Variants in ASIC1 observed in about 807,000 individuals in gnomAD.
ASIC1 encodes acid-sensing ion channel 1.
In ASIC1, 21 loss-of-function variants were observed where a neutral mutation model predicts 63.4. That is an observed-to-expected ratio of 0.33 (90% CI 0.23 to 0.48). ASIC1 has a LOEUF of 0.48. Among genes scored for constraint, ASIC1 ranks in the 20% least tolerant of loss-of-function variants. The pLI, the probability that ASIC1 is intolerant of heterozygous loss-of-function variation, is 0.99. For synonymous variants in ASIC1, 258 were observed against 278.2 expected (o/e 0.93, Z 0.72); for missense variants, 478 against 695.5 (o/e 0.69, Z 3.52).
At chr12:50,065,299 G>A (rs1374784493) in intron 3 of ASIC1, among the ~76,000 whole-genome samples, 2 of 152,182 alleles carry the variant, frequency 1.3e-5, no homozygotes, top group African/African-American at 4.8e-5. Flanking sequence ...GGCAAAGCTG[G>A]AAGGAGACAG....
At chr12:50,064,818 T>A (rs754100871) in intron 3 of ASIC1, among the ~76,000 whole-genome samples, 2 of 152,192 alleles carry the variant, frequency 1.3e-5, no homozygotes, top group Non-Finnish European at 2.9e-5. Flanking sequence ...ATATTCAGAA[T>A]GAGAAGCTGG....
chr12:50,078,062 A>G lies in ASIC1; in HGVS notation c.772A>G (p.Ile258Val). The part of the protein sequence containing the change: ...QIHSQDEPPF[I>V]DQLGFGVAPG... The stretch of plus-strand genomic sequence containing the variant: ...CCATAGTCAGGATGAACCTCCTTTC[A>G]TCGACCAGCTGGGCTTTGGCGTGGC... Residue 258 changes from isoleucine (I) to valine (V), a missense_variant, in exon 5 of 12, where the codon ATC (isoleucine) becomes GTC (valine). Ile to Val is a conservative substitution (Grantham distance 29, BLOSUM62 3). This residue lies in a region of ASIC1 where 290 missense variants were observed against 414.9 expected (regional missense o/e 0.70). Coordinates refer to ENST00000447966, the MANE Select transcript of ASIC1 (RefSeq NM_001095.4). This position sits in a 1 kb window ranked among gnomAD's most constrained non-coding sequence, Gnocchi z 6.0. The G allele has an allele frequency of 1.2e-6, 2 of 1,614,062 alleles. No individual in the cohort carries two copies. The highest frequency in any genetic ancestry group is 1.1e-5 in the South Asian group (1 of 91,078).
At chr12:50,058,721 A>T (rs1391119503) in intron 1 of ASIC1, 30 bp from the exon 2 acceptor site, 4 of 1,544,100 alleles carry the variant, frequency 2.6e-6, no homozygotes, top group Non-Finnish European at 3.5e-6. Flanking sequence ...TCCCAGGACA[A>T]TGATAGACTG....
intron 3 of ASIC1, 29 bp from the exon 4 acceptor site, chr12:50,077,184 T>C (rs1950663727): frequency 1.2e-6 from 2 of 1,603,396 alleles, no homozygotes; most frequent in East Asian, 2.2e-5. Context: ...CTGGCAGGAC[T>C]CTTAGGCTCT....
intron 9 of ASIC1, 110 bp downstream of exon 9, chr12:50,080,699 G>C: frequency 6.2e-7 from 1 of 1,613,954 alleles, no homozygotes; most frequent in South Asian, 1.1e-5. Context: ...CTCCACCCCA[G>C]AGGCCCTTCC....
At chr12:50,058,684 T>G in intron 1 of ASIC1, 67 bp from the exon 2 acceptor site, 2 of 1,508,512 alleles carry the variant, frequency 1.3e-6, no homozygotes, top group Non-Finnish European at 1.8e-6. Context: ...GATGGGCACA[T>G]GTGGAGGGGC....
At chr12:50,075,666 C>T (rs958528799) in intron 3 of ASIC1, among the ~76,000 whole-genome samples, 3 of 152,158 alleles carry the variant, frequency 2.0e-5, no homozygotes, top group East Asian at 1.9e-4. Flanking sequence ...GGGCAAAGAC[C>T]GTATTCCCTA....
intron 3 of ASIC1, among the ~76,000 whole-genome samples, chr12:50,065,465 C>G (rs1484494029): frequency 1.3e-5 from 2 of 152,254 alleles, no homozygotes; most frequent in African/African-American, 4.8e-5. Flanking sequence ...TATTGAGGGG[C>G]AGTCCTTCCT....
intron 3 of ASIC1, among the ~76,000 whole-genome samples, chr12:50,073,251 C>T (rs148230684): frequency 1.7e-3 from 257 of 152,258 alleles, no homozygotes; most frequent in African/African-American, 6.1e-3. Flanking sequence ...CCACTCTGTC[C>T]TAAACCCTCT....
In ASIC1 at chr12:50,074,089, C is replaced by G. The variant is rs1270956094; in HGVS notation, c.559-3124C>G. The G allele has an allele frequency of 6.5e-7, 1 of 1,535,388 alleles. No homozygotes were observed. The highest frequency in any genetic ancestry group is 1.4e-5 in the African/African-American group (1 of 73,032). On this transcript the variant is annotated intron_variant, in intron 3 of 11. Coordinates refer to ENST00000447966, the MANE Select transcript of ASIC1 (RefSeq NM_001095.4). This position sits in a 1 kb window ranked among gnomAD's most constrained non-coding sequence, Gnocchi z 4.2. Reference sequence around the variant, plus strand: ...GCTGGGACTGGATGAAAGTGATGACCCCGGGGTGCCCCTCGCTCCACCGGG... The same window carrying G: ...GCTGGGACTGGATGAAAGTGATGACGCCGGGGTGCCCCTCGCTCCACCGGG...
chr12:50,078,533 G>A lies in ASIC1; in HGVS notation c.950G>A (p.Arg317His), dbSNP rs1444302785. Reference protein sequence around the residue: ...ITACRIDCETRYLVENCNCRM... With the variant: ...ITACRIDCETHYLVENCNCRM... Reference sequence around the variant, plus strand: ...GCCTGCCGCATCGACTGTGAGACGCGCTACCTGGTGGAGAACTGCAACTGC... The same window carrying A: ...GCCTGCCGCATCGACTGTGAGACGCACTACCTGGTGGAGAACTGCAACTGC... Residue 317 changes from arginine (R) to histidine (H), a missense_variant, in exon 6 of 12, where the codon CGC becomes CAC. Arg to His is a conservative substitution (Grantham distance 29). This residue lies in a region of ASIC1 where 84 missense variants were observed against 183.5 expected (regional missense o/e 0.46). Coordinates refer to ENST00000447966, the MANE Select transcript of ASIC1 (RefSeq NM_001095.4). This position sits in a 1 kb window ranked among gnomAD's most constrained non-coding sequence, Gnocchi z 6.0. The A allele has an allele frequency of 1.2e-6, 2 of 1,614,106 alleles. No individual in the cohort carries two copies. The highest frequency in any genetic ancestry group is 1.7e-6 in the Non-Finnish European group (2 of 1,180,010).
rs1472792268 is a variant in ASIC1 at position 50,059,667 on chromosome 12, C to T, written c.363-92C>T. On this transcript the variant is annotated intron_variant, in intron 2 of 11. Coordinates refer to ENST00000447966, the MANE Select transcript of ASIC1 (RefSeq NM_001095.4). This position sits in a 1 kb window ranked among gnomAD's most constrained non-coding sequence, Gnocchi z 4.6. ...TTCCTTGCCTACACCTGGGACTGAT[C>T]CCCAGGGCTGGAGGCTGCCCCCATC... is the stretch of plus-strand genomic sequence containing the variant. The T allele has an allele frequency of 1.5e-6, 2 of 1,330,990 alleles. No homozygotes were observed. The highest frequency in any genetic ancestry group is 1.5e-5 in the African/African-American group (1 of 68,746). 82.4% of individuals were successfully genotyped at this position (1,330,990 alleles called of 1,614,324 possible). A position where few individuals can be genotyped will look rare whatever the true frequency, so the allele number is the denominator to read the frequency against.
intron 3 of ASIC1, 162 bp from the exon 4 acceptor site, chr12:50,077,051 T>G (rs780791625): frequency 3.4e-6 from 4 of 1,189,782 alleles, no homozygotes; most frequent in Non-Finnish European, 5.0e-6. Flanking sequence ...CAAGAAAGGG[T>G]GAGAAACAGG....
rs1212760437 is a variant in ASIC1 at position 50,076,293 on chromosome 12, C to T, written c.559-920C>T. 3.3e-5 allele frequency among the ~76,000 whole-genome samples: 5 copies of T among 152,214 alleles called. 1 individual carries two copies. In the East Asian group the frequency reaches 9.7e-4, roughly 29 times the overall value. On this transcript the variant is annotated intron_variant, in intron 3 of 11. Transcript: ENST00000447966. The stretch of plus-strand genomic sequence containing the variant: ...ACCAGCCTGGCCAACAGGGTGAAAC[C>T]CCATCTCTACTAAAAATACAAAAAT...
intron 3 of ASIC1, among the ~76,000 whole-genome samples, chr12:50,075,519 G>T (rs1331463220): frequency 1.3e-5 from 2 of 152,258 alleles, no homozygotes; most frequent in African/African-American, 4.8e-5. Flanking sequence ...CGCAAGACCT[G>T]GTCATGGGGC....
chr12:50,077,913 T>C, intron 4 of ASIC1, 87 bp from the exon 5 acceptor site: 1 of 1,531,488 alleles, frequency 6.5e-7, no homozygotes, highest in Non-Finnish European at 8.8e-7. Flanking sequence ...CCTATGCTTA[T>C]TTCCAGGAGA....
intron 3 of ASIC1, chr12:50,070,590 G>A (rs1028253436): frequency 2.0e-5 from 3 of 152,248 alleles, no homozygotes; most frequent in African/African-American, 7.2e-5. Flanking sequence ...GGGCTCCCAA[G>A]CTGGAAGCTC....
chr12:50,073,399 GC>G lies in ASIC1; in HGVS notation c.559-3810del, dbSNP rs1950618655. On this transcript the variant is annotated intron_variant, in intron 3 of 11. Coordinates refer to ENST00000447966, the MANE Select transcript of ASIC1 (RefSeq NM_001095.4). ...CAGGGCAGGCTGGTCCTCCTCCCAT[GC>G]CCCGCCCCAGCCACACTGCCACAGA... Among the ~76,000 whole-genome samples the G allele has an allele frequency of 2.0e-5, 3 of 152,312 alleles. No individual in the cohort carries two copies. In the East Asian group the frequency reaches 5.8e-4, roughly 29 times the overall value.
In ASIC1 at chr12:50,082,922, C is replaced by G. The variant is rs1356213825; in HGVS notation, c.*1273C>G. The G allele has an allele frequency of 1.3e-5, 2 of 152,884 alleles. No individual in the cohort carries two copies. Among genetic ancestry groups the G allele is most frequent in the Non-Finnish European group, 2.9e-5 (2 of 68,180 alleles). 9.5% of individuals were successfully genotyped at this position (152,884 alleles called of 1,614,324 possible). A position where few individuals can be genotyped will look rare whatever the true frequency, so the allele number is the denominator to read the frequency against. On this transcript the variant is annotated 3_prime_UTR_variant, in exon 12 of 12. Transcript: ENST00000447966. ...CCTGCAGCCTTAACATTCTCTTCCC[C>G]TGCTCCTCCTATCCCATTGCCCTCT...
Sources: allele counts gnomAD v4.1 joint callset (sites outside exome capture counted in the v4.1 genomes callset), GRCh38; gene constraint gnomAD v4.1.1; regional missense constraint gnomAD v4.1.1; non-coding constraint Gnocchi (gnomAD v3.1); transcripts MANE v1.5; gene names NCBI Gene and HGNC (gene_info 2026-07-23, HGNC 2026-07-21).